The following BCOR variants were observed in gnomAD, a reference collection of about 807,000 sequenced individuals.
BCOR encodes the protein BCL6 corepressor, also known as BCL-6 corepressor.
BCOR carries 10 observed loss-of-function variants against 86.7 expected under a neutral mutation model. The observed-to-expected ratio is 0.12, with a 90% CI of 0.07 to 0.20. The LOEUF is 0.20. Among genes scored for constraint, BCOR ranks in the 10% least tolerant of loss-of-function variants. The pLI is 1.00. For synonymous variants in BCOR, 611 were observed against 609.0 expected, an observed-to-expected ratio of 1.00 and a Z score of -0.05; for missense variants, 1,259 against 1,452.1, an observed-to-expected ratio of 0.87 and a Z score of 2.16.
intron 1 of BCOR, among the ~76,000 whole-genome samples, chrX:40,165,212 T>C (rs1350285482): frequency 1.8e-5 from 2 of 110,985 alleles, no homozygotes; most frequent in African/African-American, 3.3e-5. Context: ...GGGTGGGGGA[T>C]GAGAGGTGGG....
At chrX:40,161,489 A>C (rs1602277348) in intron 1 of BCOR, among the ~76,000 whole-genome samples, 1 of 75,578 alleles carries the variant, frequency 1.3e-5, no homozygotes, top group African/African-American at 5.2e-5. Flanking sequence ...TGAGCCAGAA[A>C]CCAGGCCGAT....
chrX:40,074,599 T>G lies in BCOR; in HGVS notation c.747A>C (p.Pro249=), dbSNP rs1206495071. 2 of 1,210,310 alleles carry G rather than the reference T, an allele frequency of 1.7e-6. No homozygotes were observed. The highest frequency in any genetic ancestry group is 3.5e-5 in the African/African-American group (2 of 57,303). ...GGATGTGGGGACCGACGTAGTGAGGTGGCGGCAGGTAGAGAAAGCGCTCCC... is the reference window on the plus strand; with the variant it reads ...GGATGTGGGGACCGACGTAGTGAGGGGGCGGCAGGTAGAGAAAGCGCTCCC... ...TNGERFLYLP[P]PHYVGPHIPS... The change falls in exon 4 of 15, where the codon CCA becomes CCC. Residue 249 remains proline, a synonymous_variant. Coordinates refer to ENST00000378444, the MANE Select transcript of BCOR (RefSeq NM_001123385.2).
chrX:40,082,731 G>A (rs1936159953), intron 1 of BCOR, among the ~76,000 whole-genome samples: 1 of 112,110 alleles, frequency 8.9e-6, no homozygotes, highest in African/African-American at 3.2e-5. Flanking sequence ...TAAATATTTG[G>A]CACTGTGTTT....
chrX:40,069,709 G>C (rs746544201), intron 6 of BCOR, among the ~76,000 whole-genome samples: 4 of 112,433 alleles, frequency 3.6e-5, no homozygotes, highest in African/African-American at 6.5e-5. Flanking sequence ...AGGCAACTCA[G>C]AGTGGGGGCT....
At chrX:40,161,480 G>C (rs1456512740) in intron 1 of BCOR, among the ~76,000 whole-genome samples, 3 of 100,715 alleles carry the variant, frequency 3.0e-5, no homozygotes, top group Non-Finnish European at 6.0e-5. Context: ...TTACAGGTGT[G>C]AGCCAGAAAC....
intron 1 of BCOR, among the ~76,000 whole-genome samples, chrX:40,144,735 C>G (rs940024097): frequency 4.5e-5 from 5 of 110,954 alleles, no homozygotes; most frequent in African/African-American, 1.6e-4. Context: ...CGCCCCCCCT[C>G]CCCGCCAAAT....
rs2147280841 is a variant in BCOR at position 40,075,119 on chromosome X, C to G, written c.227G>C (p.Gly76Ala). 8.3e-7 allele frequency: 1 copy of G among 1,210,204 alleles called. No homozygotes were observed. The highest frequency in any genetic ancestry group is 3.0e-5 in the East Asian group (1 of 33,799). ...GACCCGCAGCCCTTCCCGGATCAGG[C>G]CAGTGCGGTCCATGCTCAGTGCTGC... ...GLAALSMDRTGLIREGLRVPG... is the reference protein window; with the variant it reads ...GLAALSMDRTALIREGLRVPG... The change falls in exon 4 of 15, where the codon GGC becomes GCC. Residue 76 changes from glycine (G) to alanine (A), a missense_variant. Gly to Ala is a moderately conservative substitution (Grantham distance 60). Transcript: ENST00000378444.
chrX:40,160,264 C>A (rs1938385308), intron 1 of BCOR, among the ~76,000 whole-genome samples: 1 of 110,192 alleles, frequency 9.1e-6, no homozygotes, highest in South Asian at 3.8e-4. Flanking sequence ...TACAGGCGCC[C>A]GCCACTACAC....
rs758602469 is a variant in BCOR at position 40,055,516 on chromosome X, A to C, written c.4596-3T>G. The C allele has an allele frequency of 8.3e-7, 1 of 1,211,232 alleles. No individual in the cohort carries two copies. Among genetic ancestry groups the C allele is most frequent in the East Asian group, 3.0e-5 (1 of 33,828 alleles). On this transcript the variant is annotated splice_polypyrimidine_tract_variant and splice_region_variant and intron_variant, in intron 11 of 14. Coordinates refer to ENST00000378444, the MANE Select transcript of BCOR (RefSeq NM_001123385.2). The stretch of plus-strand genomic sequence containing the variant: ...TCTCAACAGCATCGTGCAGAGGCCT[A>C]GGAAGAGAGGCGCAATAGAATTATG...
chrX:40,121,366 C>T (rs1326275217), intron 1 of BCOR, among the ~76,000 whole-genome samples: 1 of 112,457 alleles, frequency 8.9e-6, no homozygotes, highest in Non-Finnish European at 1.9e-5. Context: ...CTTCCCCAAA[C>T]AGTCATCCAG....
Position 40,074,755 on chromosome X carries a change from C to G in BCOR, c.591G>C (p.Glu197Asp). The part of the protein sequence containing the change: ...LRLPWVNPYM[E>D]GATPAIYPFL... ...AAGGGTAGATGGCTGGCGTGGCACCCTCCATGTAAGGATTGACCCAGGGCA... is the reference window on the plus strand; with the variant it reads ...AAGGGTAGATGGCTGGCGTGGCACCGTCCATGTAAGGATTGACCCAGGGCA... The change falls in exon 4 of 15, where the codon GAG becomes GAC. Residue 197 changes from glutamate to aspartate, a missense_variant. Transcript: ENST00000378444. The G allele has an allele frequency of 8.3e-7, 1 of 1,211,805 alleles. No homozygotes were observed. Among genetic ancestry groups the G allele is most frequent in the Non-Finnish European group, 1.1e-6 (1 of 895,493 alleles).
chrX:40,171,548 C>T (rs149879421), intron 1 of BCOR, among the ~76,000 whole-genome samples: 2,074 of 111,801 alleles, frequency 0.019, 67 homozygotes, highest in African/African-American at 0.064. Flanking sequence ...CAATGTGTGC[C>T]CCCTCCCCAT....
rs1935079271 is a variant in BCOR at position 40,064,336 on chromosome X, C to T, written c.3502G>A (p.Asp1168Asn). The change falls in exon 7 of 15, where the codon GAT (aspartate) becomes AAT (asparagine). Residue 1168 changes from aspartate to asparagine, a missense_variant and splice_region_variant. By Grantham distance (23) the Asp-to-Asn change is conservative. Coordinates refer to ENST00000378444, the MANE Select transcript of BCOR (RefSeq NM_001123385.2). Reference sequence around the variant, plus strand: ...GGCGGGCGAAGCAGACAGGGCTCACCTTTAGAGACTCGTCGGCGTTTGGCT... The same window carrying T: ...GGCGGGCGAAGCAGACAGGGCTCACTTTTAGAGACTCGTCGGCGTTTGGCT... ...LKAKRRRVSK[D>N]DWPEREMTNS... 1.6e-6 allele frequency: 2 copies of T among 1,212,358 alleles called. No homozygotes were observed. Among genetic ancestry groups the T allele is most frequent in the Non-Finnish European group, 2.2e-6 (2 of 895,656 alleles).
intron 12 of BCOR, 71 bp from the exon 13 acceptor site, chrX:40,054,404 T>G: frequency 1.1e-6 from 1 of 883,582 alleles, no homozygotes; most frequent in East Asian, 3.3e-5. Flanking sequence ...CAGAGCCACG[T>G]GGCATTTTTT....
At chrX:40,163,297 C>A (rs1938455027) in intron 1 of BCOR, among the ~76,000 whole-genome samples, 1 of 111,278 alleles carries the variant, frequency 9.0e-6, no homozygotes, top group African/African-American at 3.3e-5. Flanking sequence ...CCATCTGATC[C>A]CACCACTCAG....
chrX:40,079,593 G>A (rs1322525242), intron 1 of BCOR, among the ~76,000 whole-genome samples: 1 of 111,862 alleles, frequency 8.9e-6, no homozygotes, highest in Non-Finnish European at 1.9e-5. Flanking sequence ...GAGGTAAAGG[G>A]CCCAAGAAAA....
chrX:40,107,527 C>A (rs1415940904), intron 1 of BCOR, among the ~76,000 whole-genome samples: 1 of 113,557 alleles, frequency 8.8e-6, no homozygotes, highest in African/African-American at 3.2e-5. Context: ...TCGCCGTGTC[C>A]TCTGCTAGTG....
chrX:40,090,064 G>C (rs1479240419), intron 1 of BCOR, among the ~76,000 whole-genome samples: 2 of 112,427 alleles, frequency 1.8e-5, no homozygotes, highest in African/African-American at 6.5e-5. Flanking sequence ...GTCTGCCCCA[G>C]GCTTTCAGAT....
At chrX:40,156,870 T>C (rs1461525289) in intron 1 of BCOR, among the ~76,000 whole-genome samples, 2 of 113,654 alleles carry the variant, frequency 1.8e-5, no homozygotes, top group Non-Finnish European at 3.7e-5. Flanking sequence ...CAGGGAGTCG[T>C]CACCGAACCA....
Sources: gnomAD v4.1 joint callset for allele counts (sites outside exome capture counted in the v4.1 genomes callset) on GRCh38, gnomAD v4.1.1 for gene constraint, MANE v1.5 for transcripts, NCBI Gene and HGNC (gene_info 2026-07-23, HGNC 2026-07-21) for gene names.